Variants in LVRN observed in about 807,000 individuals in gnomAD.
LVRN encodes the protein laeverin, also known as aminopeptidase Q.
In LVRN, 99 loss-of-function variants were observed where a neutral mutation model predicts 111.4. The observed-to-expected ratio is 0.89, with a 90% CI of 0.76 to 1.05. The LOEUF (loss-of-function observed/expected upper bound fraction) is 1.05, where lower values mean the gene tolerates loss of function less well. LVRN is among the 50% of genes least tolerant of loss of function. The pLI, the probability that LVRN is intolerant of heterozygous loss-of-function variation, is 0.00. For synonymous variants in LVRN, 488 were observed against 449.5 expected, an observed-to-expected ratio of 1.09 and a Z score of -1.08; for missense variants, 1,414 against 1,206.8, an observed-to-expected ratio of 1.17 and a Z score of -2.54.
intron 1 of LVRN, among the ~76,000 whole-genome samples, chr5:115,981,718 C>T (rs1753564063): frequency 6.6e-6 from 1 of 152,092 alleles, no homozygotes; most frequent in South Asian, 2.1e-4. Context: ...TAACCATCCC[C>T]ACCTCCCCCA....
intron 5 of LVRN, 67 bp from the exon 6 acceptor site, chr5:115,993,674 A>T: frequency 2.0e-6 from 2 of 979,010 alleles, no homozygotes; most frequent in Non-Finnish European, 3.1e-6. Flanking sequence ...CTTAACATGC[A>T]ATTACAACGA....
Position 115,962,889 on chromosome 5 carries a change from G to C in LVRN, c.272G>C (p.Gly91Ala). Residue 91 changes from glycine (G) to alanine (A), a missense_variant, in exon 1 of 20, where the codon GGG becomes GCG. Coordinates refer to ENST00000357872, the MANE Select transcript of LVRN (RefSeq NM_173800.5). ...ACCCCGAGCAACTGGCGACCCCCGG[G>C]GCCCTGGGACCAGCTACGCCTGCCG... ...TTTPSNWRPPGPWDQLRLPPW... is the reference protein window; with the variant it reads ...TTTPSNWRPPAPWDQLRLPPW... 6.2e-7 allele frequency: 1 copy of C among 1,613,200 alleles called. No individual in the cohort carries two copies. Among genetic ancestry groups the C allele is most frequent in the Non-Finnish European group, 8.5e-7 (1 of 1,179,788 alleles).
chr5:115,999,743 T>TC lies in LVRN; in HGVS notation c.1375-17dup, dbSNP rs1217103582. 5.1e-5 allele frequency: 82 copies of TC among 1,611,870 alleles called. No homozygotes were observed. Among genetic ancestry groups the TC allele is most frequent in the Non-Finnish European group, 6.9e-5 (81 of 1,179,136 alleles). On this transcript the variant is annotated intron_variant, in intron 6 of 19. Coordinates refer to ENST00000357872, the MANE Select transcript of LVRN (RefSeq NM_173800.5). The stretch of plus-strand genomic sequence containing the variant: ...GTGACACCTCAGGAGTTAATGTGCC[T>TC]CCATCTTTTCCTTTATAGAATGAGA...
chr5:116,015,119 C>A, intron 16 of LVRN, 133 bp from the exon 17 acceptor site: 1 of 576,604 alleles, frequency 1.7e-6, no homozygotes, highest in Non-Finnish European at 2.7e-6. Flanking sequence ...TGATAATTGC[C>A]TCTCTAGATT....
intron 18 of LVRN, among the ~76,000 whole-genome samples, chr5:116,017,810 A>T (rs1417947473): frequency 6.6e-6 from 1 of 152,232 alleles, no homozygotes; most frequent in Non-Finnish European, 1.5e-5. Context: ...TACTGAGATA[A>T]TATGATGTAT....
intron 6 of LVRN, among the ~76,000 whole-genome samples, chr5:115,996,389 C>A (rs1456007671): frequency 1.3e-5 from 2 of 152,122 alleles, no homozygotes; most frequent in African/African-American, 4.8e-5. Context: ...TCATTAGTTT[C>A]TTAGCCACTC....
intron 18 of LVRN, chr5:116,021,349 C>G (rs749149167): frequency 2.6e-5 from 4 of 152,214 alleles, no homozygotes; most frequent in Non-Finnish European, 5.9e-5. Context: ...ACTCAAATTT[C>G]TTGAGTCATT....
At chr5:116,016,063 C>G (rs554210517) in intron 18 of LVRN, among the ~76,000 whole-genome samples, 1 of 152,310 alleles carries the variant, frequency 6.6e-6, no homozygotes, top group Admixed American at 6.5e-5. Context: ...CCTTAGTTCA[C>G]TTTTCTTGCA....
At chr5:115,970,249 T>G (rs780260123) in intron 1 of LVRN, among the ~76,000 whole-genome samples, 3 of 152,226 alleles carry the variant, frequency 2.0e-5, no homozygotes, top group Non-Finnish European at 2.9e-5. Context: ...TGTAACCTTC[T>G]TATCTTCAGG....
intron 10 of LVRN, among the ~76,000 whole-genome samples, chr5:116,001,545 A>G (rs1748240565): frequency 6.6e-6 from 1 of 152,152 alleles, no homozygotes; most frequent in South Asian, 2.1e-4. Flanking sequence ...ATTCTGAGTG[A>G]GGGGCAGTAA....
Position 116,015,252 on chromosome 5 carries a change from A to G in LVRN, c.2451A>G (p.Glu817=), listed in dbSNP as rs989199276. The part of the protein sequence containing the change: ...FAKWVDHPEN[E]IPYPIKDVVL... ...TATCATTTTATGTTATATTTTACAG[A>G]ATACCTTATCCAATTAAAGATGTGG... Residue 817 remains glutamate (E), a splice_region_variant and synonymous_variant, in exon 17 of 20, where the codon GAA becomes GAG. Coordinates refer to ENST00000357872, the MANE Select transcript of LVRN (RefSeq NM_173800.5). 3 of 1,576,472 alleles carry G rather than the reference A, an allele frequency of 1.9e-6. No homozygotes were observed. The highest frequency in any genetic ancestry group is 2.6e-6 in the Non-Finnish European group (3 of 1,163,492).
chr5:116,019,870 G>A (rs2112643619), intron 18 of LVRN: 1 of 152,326 alleles, frequency 6.6e-6, no homozygotes, highest in South Asian at 2.1e-4. Context: ...GAAGTGACCA[G>A]TGCTGTGGTT....
chr5:116,005,347 A>G (rs7717155), intron 12 of LVRN, among the ~76,000 whole-genome samples: 1 of 152,226 alleles, frequency 6.6e-6, no homozygotes, highest in Non-Finnish European at 1.5e-5. Context: ...TGGCCTGGCA[A>G]TGCCAGGGAG....
At chr5:116,015,073 G>A (rs772548212) in intron 16 of LVRN, among the ~76,000 whole-genome samples, 179 bp from the exon 17 acceptor site, 14 of 152,044 alleles carry the variant, frequency 9.2e-5, no homozygotes, top group Admixed American at 7.2e-4. Context: ...GGAATTTGAT[G>A]ATCTCTTCTC....
chr5:115,986,286 C>G (rs1312669848), intron 3 of LVRN, among the ~76,000 whole-genome samples: 2 of 152,178 alleles, frequency 1.3e-5, no homozygotes. Flanking sequence ...GATTTGGAAG[C>G]ACGTGCTTTG....
chr5:115,979,122 T>C (rs1435034739), intron 1 of LVRN, among the ~76,000 whole-genome samples: 1 of 152,064 alleles, frequency 6.6e-6, no homozygotes, highest in Non-Finnish European at 1.5e-5. Flanking sequence ...ATTGGCTCAC[T>C]TTGTATGGTA....
At chr5:115,965,075 G>A (rs565189674) in intron 1 of LVRN, among the ~76,000 whole-genome samples, 12 of 152,204 alleles carry the variant, frequency 7.9e-5, no homozygotes, top group Non-Finnish European at 1.3e-4. Context: ...CCTCATTCAC[G>A]GAATAGATAT....
At chr5:116,021,662 A>G (rs1414628427) in intron 18 of LVRN, 7 of 438,178 alleles carry the variant, frequency 1.6e-5, no homozygotes, top group Non-Finnish European at 3.2e-5. Context: ...TGGTCAGTCC[A>G]TTATAATAAC....
At chr5:115,980,082 C>A (rs1330108543) in intron 1 of LVRN, among the ~76,000 whole-genome samples, 2 of 151,974 alleles carry the variant, frequency 1.3e-5, no homozygotes, top group Non-Finnish European at 2.9e-5. Context: ...CAATACTGAC[C>A]CACAAGGAGA....
Sources: allele counts gnomAD v4.1 joint callset (sites outside exome capture counted in the v4.1 genomes callset), GRCh38; gene constraint gnomAD v4.1.1; transcripts MANE v1.5; gene names NCBI Gene and HGNC (gene_info 2026-07-23, HGNC 2026-07-21).